PHLDB3: variants seen among roughly 807,000 people sequenced by gnomAD.
PHLDB3 encodes pleckstrin homology-like domain family B member 3.
PHLDB3 carries 86 observed loss-of-function variants against 85.7 expected under a neutral mutation model. That is an observed-to-expected ratio of 1.00 (90% CI 0.84 to 1.20). The LOEUF (loss-of-function observed/expected upper bound fraction) is 1.20, where lower values mean the gene tolerates loss of function less well. PHLDB3 is among the 50% of genes most tolerant of loss of function. The probability of loss-of-function intolerance (pLI) is 0.00; values close to 1 mark genes in which losing one functional copy is unlikely to be tolerated. For synonymous variants in PHLDB3, 376 were observed against 349.8 expected, an observed-to-expected ratio of 1.07 and a Z score of -0.83; for missense variants, 995 against 873.0, an observed-to-expected ratio of 1.14 and a Z score of -1.76.
intron 9 of PHLDB3, among the ~76,000 whole-genome samples, chr19:43,494,352 A>G (rs1235367564): frequency 9.4e-6 from 1 of 106,528 alleles, no homozygotes; most frequent in African/African-American, 3.6e-5. Context: ...CCACCCCCGC[A>G]GTTTTAAGGA....
In PHLDB3 at chr19:43,479,578, G is replaced by T; in HGVS notation, c.1501C>A (p.Pro501Thr). Residue 501 changes from proline (P) to threonine (T), a missense_variant, in exon 14 of 16, where the codon CCC becomes ACC. Transcript: ENST00000292140. The part of the protein sequence containing the change: ...VPAITAPPTP[P>T]HPPGPRILDL... ...AAGATTCGCGGGCCTGGAGGGTGGG[G>T]TGGGGTGGGTGGGGCCTGGGGAGCA... The T allele has an allele frequency of 6.7e-7, 1 of 1,490,650 alleles. No homozygotes were observed. Among genetic ancestry groups the T allele is most frequent in the Non-Finnish European group, 9.1e-7 (1 of 1,095,118 alleles). The allele number at this position is 1,490,650 out of a possible 1,614,324, so 92.3% of individuals were successfully genotyped here.
At position 43,504,086 on chromosome 19, in the gene PHLDB3, G is replaced by A. The variant is rs369393470; in HGVS notation, c.33C>T (p.Thr11=). MGTRSSPEEG[T]PPPLVPECDV... is the part of the protein sequence containing the mutation. ...CGCATTCCGGGACCAGCGGCGGCGG[G>A]GTCCCCTCCTCGGGGCTGCTTCGCG... Residue 11 remains threonine, a synonymous_variant, in exon 2 of 16, where the codon ACC becomes ACT. Transcript: ENST00000292140. The A allele has an allele frequency of 1.2e-6, 2 of 1,610,840 alleles. No homozygotes were observed. Among genetic ancestry groups the A allele is most frequent in the Non-Finnish European group, 8.5e-7 (1 of 1,178,708 alleles).
intron 15 of PHLDB3, among the ~76,000 whole-genome samples, chr19:43,475,767 C>A (rs1354359376): frequency 6.6e-6 from 1 of 151,936 alleles, no homozygotes; most frequent in African/African-American, 2.4e-5. Context: ...ATATGTAGAG[C>A]GCTATTGATA....
chr19:43,491,731 A>ATC (rs1770786032), intron 9 of PHLDB3, among the ~76,000 whole-genome samples: 1 of 149,594 alleles, frequency 6.7e-6, no homozygotes, highest in African/African-American at 2.5e-5. Context: ...CAGTGGCATG[A>ATC]TCTCAGCTCA....
In PHLDB3 at chr19:43,497,251, C is replaced by G. The variant is rs759214501; in HGVS notation, c.692G>C (p.Arg231Pro). The G allele has an allele frequency of 2.0e-6, 3 of 1,495,156 alleles. No homozygotes were observed. Among genetic ancestry groups the G allele is most frequent in the Non-Finnish European group, 2.7e-6 (3 of 1,124,836 alleles). The allele number at this position is 1,495,156 out of a possible 1,614,324, so 92.6% of individuals were successfully genotyped here. A position where few individuals can be genotyped will look rare whatever the true frequency, so the allele number is the denominator to read the frequency against. The change falls in exon 6 of 16, where the codon CGT (arginine) becomes CCT (proline). Residue 231 changes from arginine to proline, a missense_variant. Coordinates refer to ENST00000292140, the MANE Select transcript of PHLDB3 (RefSeq NM_198850.4). The stretch of plus-strand genomic sequence containing the variant: ...CTGGAACTCCAGGTCCTCATAGGCA[C>G]GTTGGGCCACATCCAGTTGTTCCCT... Reference protein sequence around the residue: ...EMREQLDVAQRAYEDLEFQQL... With the variant: ...EMREQLDVAQPAYEDLEFQQL...
At chr19:43,504,183 G>C in intron 1 of PHLDB3, 51 bp from the exon 2 acceptor site, 3 of 1,475,814 alleles carry the variant, frequency 2.0e-6, no homozygotes, top group Non-Finnish European at 2.7e-6. Flanking sequence ...TAGGACGGCT[G>C]AGCGCCGCTC....
intron 15 of PHLDB3, 107 bp from the exon 16 acceptor site, chr19:43,475,651 C>CTTAA: frequency 1.5e-6 from 2 of 1,372,452 alleles, no homozygotes; most frequent in Non-Finnish European, 2.0e-6. Context: ...GGACAAGGTA[C>CTTAA]TTAAGTATCT....
At chr19:43,490,511 C>T (rs938803756) in intron 9 of PHLDB3, among the ~76,000 whole-genome samples, 2 of 151,894 alleles carry the variant, frequency 1.3e-5, no homozygotes, top group Non-Finnish European at 2.9e-5. Flanking sequence ...CAAGATCGCA[C>T]CATTACACTC....
At chr19:43,498,693 T>C (rs1005000644) in intron 4 of PHLDB3, among the ~76,000 whole-genome samples, 6 of 152,020 alleles carry the variant, frequency 3.9e-5, no homozygotes, top group African/African-American at 9.7e-5. Flanking sequence ...CAGCCAGAGG[T>C]TGAGGCTGCA....
At chr19:43,480,285 AAAAAAAAGG>A (rs1440402345) in intron 13 of PHLDB3, among the ~76,000 whole-genome samples, 1 of 149,478 alleles carries the variant, frequency 6.7e-6, no homozygotes, top group East Asian at 2.0e-4. Context: ...AAAAAAAAAA[AAAAAAAAGG>A]AGAGAGAGAA....
At chr19:43,490,526 C>T (rs916114417) in intron 9 of PHLDB3, among the ~76,000 whole-genome samples, 2 of 152,068 alleles carry the variant, frequency 1.3e-5, no homozygotes, top group African/African-American at 4.8e-5. Flanking sequence ...ACACTCCACT[C>T]CAGCCTGGGC....
Position 43,504,112 on chromosome 19 carries a change from T to TC in PHLDB3, c.6dup (p.Thr3AspfsTer49). 1 of 1,597,886 alleles carries TC rather than the reference T, an allele frequency of 6.3e-7. No homozygotes were observed. Among genetic ancestry groups the TC allele is most frequent in the Non-Finnish European group, 8.5e-7 (1 of 1,173,194 alleles). ...GTCCCCTCCTCGGGGCTGCTTCGCG[T>TC]CCCCATGGCCGCTGGGACTCCTGCG... On this transcript the variant is annotated frameshift_variant, in exon 2 of 16. Transcript: ENST00000292140. LOFTEE classifies it high-confidence loss of function.
At chr19:43,480,264 T>TAAAAAA (rs57417757) in intron 13 of PHLDB3, among the ~76,000 whole-genome samples, 1 of 71,608 alleles carries the variant, frequency 1.4e-5, no homozygotes, top group East Asian at 4.9e-4. Context: ...CTTCTCTATT[T>TAAAAAA]AAAAAAAAAA....
At position 43,503,953 on chromosome 19, in the gene PHLDB3, C is replaced by T; in HGVS notation, c.166G>A (p.Glu56Lys). 4 of 1,613,960 alleles carry T rather than the reference C, an allele frequency of 2.5e-6. No homozygotes were observed. In the South Asian group the frequency reaches 3.3e-5, roughly 13 times the overall value. Residue 56 changes from glutamate (E) to lysine (K), a missense_variant, in exon 2 of 16, where the codon GAA becomes AAA. By Grantham distance (56) the Glu-to-Lys change is moderately conservative. Transcript: ENST00000292140. ...SRGGAEQQAEEEEVGEGSSTE... is the reference protein window; with the variant it reads ...SRGGAEQQAEKEEVGEGSSTE... ...CTGCTGCCTTCTCCCACTTCTTCTT[C>T]CTCTGCCTGCTGCTCAGCTCCCCCG...
intron 13 of PHLDB3, among the ~76,000 whole-genome samples, chr19:43,482,390 G>C (rs1273119280): frequency 3.9e-5 from 6 of 152,160 alleles, no homozygotes; most frequent in African/African-American, 1.4e-4. Flanking sequence ...TCCTCTTCTA[G>C]GTGTGAAGCC....
chr19:43,499,286 GACAA>G (rs951353987), intron 4 of PHLDB3, among the ~76,000 whole-genome samples: 29 of 152,226 alleles, frequency 1.9e-4, no homozygotes, highest in African/African-American at 6.3e-4. Context: ...GGGACAGCAA[GACAA>G]ACAGTGTGGA....
chr19:43,478,182 G>C (rs368389832), intron 14 of PHLDB3, 50 bp from the exon 15 acceptor site: 12 of 1,464,344 alleles, frequency 8.2e-6, no homozygotes, highest in Non-Finnish European at 1.1e-5. Flanking sequence ...AGGTGTGTCT[G>C]TGTGTGTCGA....
rs1971359451 is a variant in PHLDB3 at position 43,493,173 on chromosome 19, G to C, written c.1149+1529C>G. ...GCATGCCTGTAATCCCAGCTACTCA[G>C]GAGGCTGAGGCTGGAGAATCGCTTG... On this transcript the variant is annotated intron_variant, in intron 9 of 15. Coordinates refer to ENST00000292140, the MANE Select transcript of PHLDB3 (RefSeq NM_198850.4). Among the ~76,000 whole-genome samples, 3 of 152,016 alleles carry C rather than the reference G, an allele frequency of 2.0e-5. No individual in the cohort carries two copies. In the South Asian group the frequency reaches 6.2e-4, roughly 32 times the overall value.
At chr19:43,481,030 G>C (rs966927728) in intron 13 of PHLDB3, among the ~76,000 whole-genome samples, 1 of 152,128 alleles carries the variant, frequency 6.6e-6, no homozygotes, top group South Asian at 2.1e-4. Flanking sequence ...AAGCAGATCC[G>C]CTGGGGATTT....
Sources: gnomAD v4.1 joint callset for allele counts (sites outside exome capture counted in the v4.1 genomes callset) on GRCh38, gnomAD v4.1.1 for gene constraint, MANE v1.5 for transcripts, NCBI Gene and HGNC (gene_info 2026-07-23, HGNC 2026-07-21) for gene names.